The following DMD variants were observed in gnomAD, a reference collection of about 807,000 sequenced individuals.
DMD encodes mutant dystrophin.
In DMD, 63 loss-of-function variants were observed where a neutral mutation model predicts 330.1. That is an observed-to-expected ratio of 0.19 (90% CI 0.16 to 0.24). DMD has a LOEUF of 0.24. Ranked by LOEUF, DMD falls within the 10% of genes least tolerant of loss-of-function variation. The pLI, the probability that DMD is intolerant of heterozygous loss-of-function variation, is 1.00. For synonymous variants in DMD, 1,223 were observed against 959.8 expected, an observed-to-expected ratio of 1.27 and a Z score of -5.07; for missense variants, 3,344 against 2,684.1, an observed-to-expected ratio of 1.25 and a Z score of -5.43.
intron 23 of DMD, among the ~76,000 whole-genome samples, chrX:32,467,785 G>C (rs1177474858): frequency 3.7e-5 from 4 of 108,477 alleles, no homozygotes; most frequent in African/African-American, 6.7e-5. Context: ...CTTAATTTTA[G>C]CCCACAGAGA....
intron 16 of DMD, among the ~76,000 whole-genome samples, chrX:32,550,077 A>T (rs958708620): frequency 3.1e-4 from 35 of 111,744 alleles, no homozygotes; most frequent in Non-Finnish European, 5.6e-4. Flanking sequence ...GATGGTACAG[A>T]CTACTATACG....
In DMD at chrX:32,468,578, G is replaced by A. The variant is rs146384458; in HGVS notation, c.3082C>T (p.Arg1028Cys). Residue 1028 changes from arginine (R) to cysteine (C), a missense_variant, in exon 23 of 79, where the codon CGC becomes TGC. Arg to Cys is a radical substitution (Grantham distance 180, BLOSUM62 -3). Transcript: ENST00000357033. ...YQSEFEEIEGRWKKLSSQLVE... is the reference protein window; with the variant it reads ...YQSEFEEIEGCWKKLSSQLVE... ...AGCTGGGAGGAGAGCTTCTTCCAGC[G>A]TCCCTCAATTTCTTCAAATTCTGAT... 4.2e-5 allele frequency: 51 copies of A among 1,208,686 alleles called. No homozygotes were observed. The South Asian group carries it at 5.8e-4, about 14-fold the overall frequency.
chrX:31,507,619 G>A (rs776449107), intron 55 of DMD, among the ~76,000 whole-genome samples, 166 bp from the exon 56 acceptor site: 4 of 112,162 alleles, frequency 3.6e-5, no homozygotes, highest in Non-Finnish European at 7.5e-5. Flanking sequence ...TTTTCTTGGC[G>A]TATTGCCTTC....
At chrX:32,938,518 T>A (rs1157854088) in intron 2 of DMD, among the ~76,000 whole-genome samples, 6 of 111,495 alleles carry the variant, frequency 5.4e-5, no homozygotes, top group Non-Finnish European at 1.1e-4. Flanking sequence ...GCAACTGGAC[T>A]ATACCCACCT....
intron 62 of DMD, among the ~76,000 whole-genome samples, chrX:31,269,391 A>G (rs1453657463): frequency 9.0e-6 from 1 of 111,310 alleles, no homozygotes; most frequent in Non-Finnish European, 1.9e-5. Flanking sequence ...AACCACGGAC[A>G]TGAAAAGAGC....
chrX:32,259,598 A>C (rs1343310361), intron 43 of DMD, among the ~76,000 whole-genome samples: 2 of 111,515 alleles, frequency 1.8e-5, no homozygotes, highest in Non-Finnish European at 3.8e-5. Flanking sequence ...ACATTGAGTA[A>C]GAAATGTTTT....
intron 25 of DMD, among the ~76,000 whole-genome samples, chrX:32,457,441 T>C (rs1012328338): frequency 1.6e-4 from 18 of 110,803 alleles, no homozygotes; most frequent in Non-Finnish European, 2.7e-4. Context: ...AATAATTCTC[T>C]ACTGATGGGA....
intron 2 of DMD, among the ~76,000 whole-genome samples, chrX:32,895,825 G>A (rs779362204): frequency 1.0e-5 from 1 of 98,213 alleles, no homozygotes; most frequent in East Asian, 3.5e-4. Flanking sequence ...TGCTGAGCTG[G>A]CTGCTGGCTT....
At chrX:32,915,818 T>A (rs1001703205) in intron 2 of DMD, among the ~76,000 whole-genome samples, 1 of 111,899 alleles carries the variant, frequency 8.9e-6, no homozygotes, top group Non-Finnish European at 1.9e-5. Flanking sequence ...GGCTCAGAAA[T>A]ACTAAGAACA....
At chrX:32,044,775 G>A (rs2096049031) in intron 44 of DMD, among the ~76,000 whole-genome samples, 1 of 111,678 alleles carries the variant, frequency 9.0e-6, no homozygotes. Context: ...TGTTAATATG[G>A]TGCCCACTGT....
intron 60 of DMD, among the ~76,000 whole-genome samples, chrX:31,355,016 CCT>C (rs1410320337): frequency 8.9e-6 from 1 of 111,907 alleles, no homozygotes; most frequent in Non-Finnish European, 1.9e-5. Context: ...TCAGTCCATT[CCT>C]CTGTGTATTG....
intron 43 of DMD, among the ~76,000 whole-genome samples, chrX:32,272,424 T>G (rs2097368586): frequency 8.9e-6 from 1 of 112,277 alleles, no homozygotes; most frequent in Non-Finnish European, 1.9e-5. Flanking sequence ...CTTCAAAAAT[T>G]TAAACATCTT....
At chrX:31,292,272 A>G (rs1279549356) in intron 62 of DMD, among the ~76,000 whole-genome samples, 3 of 111,900 alleles carry the variant, frequency 2.7e-5, no homozygotes, top group Non-Finnish European at 1.9e-5. Context: ...AAAAAGAAGG[A>G]TGAATCAATA....
At chrX:31,636,801 A>G (rs2079442573) in intron 54 of DMD, among the ~76,000 whole-genome samples, 1 of 112,023 alleles carries the variant, frequency 8.9e-6, no homozygotes, top group Non-Finnish European at 1.9e-5. Context: ...TTCATCCGTC[A>G]TCTATGAGAT....
intron 11 of DMD, among the ~76,000 whole-genome samples, chrX:32,628,565 G>T (rs1371477256): frequency 9.2e-6 from 1 of 108,576 alleles, no homozygotes; most frequent in Non-Finnish European, 1.9e-5. Context: ...ACTAATTTTG[G>T]GTTTGGTTTG....
chrX:32,509,189 T>TA (rs76536849), intron 18 of DMD, among the ~76,000 whole-genome samples: 1,866 of 86,257 alleles, frequency 0.022, 29 homozygotes, highest in Admixed American at 0.059. Flanking sequence ...TAAAAAGTGT[T>TA]AAAAAAAAAA....
rs369356718 is a variant in DMD, at chrX:32,509,499, G to A, written c.2293-7657C>T. 3.2e-3 allele frequency among the ~76,000 whole-genome samples: 357 copies of A among 111,650 alleles called. 1 individual carries two copies. Among genetic ancestry groups the A allele is most frequent in the Non-Finnish European group, 5.6e-3 (298 of 53,127 alleles). On this transcript the variant is annotated intron_variant, in intron 18 of 78. Transcript: ENST00000357033. The stretch of plus-strand genomic sequence containing the variant: ...CAAAGAGGAACATAGGCCTTCCACA[G>A]GTCTATCTTGCAAAGTAAAAACTGG...
intron 62 of DMD, among the ~76,000 whole-genome samples, chrX:31,308,294 G>C (rs2148148955): frequency 8.9e-6 from 1 of 112,078 alleles, no homozygotes; most frequent in East Asian, 2.8e-4. Context: ...AACAGTTTTG[G>C]TAATAGGAGC....
At chrX:32,111,504 G>A (rs780090160) in intron 44 of DMD, among the ~76,000 whole-genome samples, 2 of 111,806 alleles carry the variant, frequency 1.8e-5, no homozygotes, top group East Asian at 5.6e-4. Flanking sequence ...AGTATTATGT[G>A]GCTAGCTGAT....
Sources: allele counts gnomAD v4.1 joint callset (sites outside exome capture counted in the v4.1 genomes callset), GRCh38; gene constraint gnomAD v4.1.1; transcripts MANE v1.5; gene names NCBI Gene and HGNC (gene_info 2026-07-23, HGNC 2026-07-21).